Variants in GPHN observed in about 807,000 individuals in gnomAD.
The protein encoded by GPHN is gephyrin.
Under a neutral mutation model 95.5 loss-of-function variants are expected in GPHN, and 17 were observed. The observed-to-expected ratio is 0.18, with a 90% CI of 0.12 to 0.27. GPHN has a LOEUF of 0.27. GPHN is among the 10% of genes least tolerant of loss of function. The pLI is 1.00. For missense variants in GPHN, 660 were observed against 978.1 expected (o/e 0.67, Z 4.34); for synonymous variants, 320 against 322.5 (o/e 0.99, Z 0.08).
At chr14:67,441,315 G>A in the GPHN span, among the ~76,000 whole-genome samples, 1 of 152,160 alleles carries the variant, frequency 6.6e-6, no homozygotes, top group Admixed American at 6.5e-5. Context: ...GAATGAAGAT[G>A]ATTTGTGACA....
At chr14:66,569,909 G>A (rs2060611243) in intron 1 of GPHN, among the ~76,000 whole-genome samples, 1 of 152,022 alleles carries the variant, frequency 6.6e-6, no homozygotes, top group African/African-American at 2.4e-5. Context: ...CCTTTTAGCA[G>A]AAATTTTGTA....
chr14:67,395,491 G>C, the GPHN span: 1 of 1,613,994 alleles, frequency 6.2e-7, no homozygotes, highest in African/African-American at 1.3e-5. Flanking sequence ...GAATAGCCCC[G>C]GTGATCTCAA....
At chr14:67,347,635 G>A in the GPHN span, among the ~76,000 whole-genome samples, 1 of 151,628 alleles carries the variant, frequency 6.6e-6, no homozygotes, top group African/African-American at 2.4e-5. Flanking sequence ...TGAATAGGTG[G>A]GATTACAGGC....
chr14:67,646,594 G>A, the GPHN span: 2 of 1,434,524 alleles, frequency 1.4e-6, no homozygotes, highest in Non-Finnish European at 2.0e-6. Context: ...TAATGATCTT[G>A]GTGAGAACAA....
At chr14:66,635,563 A>G (rs944371559) in intron 1 of GPHN, among the ~76,000 whole-genome samples, 1 of 152,184 alleles carries the variant, frequency 6.6e-6, no homozygotes, top group Non-Finnish European at 1.5e-5. Flanking sequence ...GTGATCCTGC[A>G]TGATTGATAA....
intron 1 of GPHN, among the ~76,000 whole-genome samples, chr14:66,595,617 G>A (rs989048649): frequency 6.6e-6 from 1 of 152,190 alleles, no homozygotes; most frequent in African/African-American, 2.4e-5. Context: ...CACCCTGCAA[G>A]GCTGTGGCTC....
chr14:67,177,746 A>G (rs1347347470), intron 21 of GPHN, among the ~76,000 whole-genome samples: 2 of 152,170 alleles, frequency 1.3e-5, no homozygotes, highest in African/African-American at 2.4e-5. Context: ...AGCTTGCTTT[A>G]TGAATCTGGG....
chr14:67,674,305 A>C, the GPHN span: 2 of 1,379,862 alleles, frequency 1.4e-6, no homozygotes, highest in Non-Finnish European at 1.9e-6. Context: ...TCTGGGAGGA[A>C]GGTGGGAGAA....
intron 9 of GPHN, among the ~76,000 whole-genome samples, chr14:66,968,232 G>A (rs1366950178): frequency 6.6e-6 from 1 of 151,870 alleles, no homozygotes; most frequent in African/African-American, 2.4e-5. Flanking sequence ...AGACAATAAT[G>A]TTATTAACTA....
chr14:66,545,346 A>C (rs1473575961), intron 1 of GPHN, among the ~76,000 whole-genome samples: 6 of 92,500 alleles, frequency 6.5e-5, no homozygotes, highest in African/African-American at 2.4e-4. Context: ...TGACCCCCCC[A>C]CCTCCCTCCC....
At chr14:66,944,372 T>C (rs568022216) in intron 8 of GPHN, among the ~76,000 whole-genome samples, 1 of 152,280 alleles carries the variant, frequency 6.6e-6, no homozygotes, top group African/African-American at 2.4e-5. Flanking sequence ...GAACAAAACA[T>C]TGCCACATGG....
chr14:66,805,985 C>G (rs1435891362), intron 3 of GPHN, among the ~76,000 whole-genome samples: 1 of 152,256 alleles, frequency 6.6e-6, no homozygotes, highest in African/African-American at 2.4e-5. Flanking sequence ...CTCTTCTGCA[C>G]TGCCCTAGCA....
the GPHN span, chr14:67,204,400 C>A: frequency 8.0e-6 from 10 of 1,250,354 alleles, no homozygotes; most frequent in African/African-American, 1.4e-4. Context: ...GATCGCATCA[C>A]CACTGCACTC....
chr14:66,728,185 G>C (rs1169633738), intron 2 of GPHN, among the ~76,000 whole-genome samples: 1 of 152,142 alleles, frequency 6.6e-6, no homozygotes. Flanking sequence ...GGGAACCTCT[G>C]CCTAGATTTC....
chr14:66,778,726 C>CTTTT lies in GPHN; in HGVS notation c.201+2230_201+2233dup, dbSNP rs759940498. Among the ~76,000 whole-genome samples the CTTTT allele has an allele frequency of 3.7e-3, 221 of 59,364 alleles. 26 individuals are homozygous for CTTTT. Among genetic ancestry groups the CTTTT allele is most frequent in the African/African-American group, 0.014 (187 of 13,208 alleles). 38.9% of individuals were successfully genotyped at this position (59,364 alleles called of 152,430 possible). Reference sequence around the variant, plus strand: ...ATTCTATGACTCAAGACTCAAGGGGCTTTTTTTTTTTTTTTTTTTTTTTTT... The same window carrying CTTTT: ...ATTCTATGACTCAAGACTCAAGGGGCTTTTTTTTTTTTTTTTTTTTTTTTTTTTT... On this transcript the variant is annotated intron_variant, in intron 3 of 22. Transcript: ENST00000478722.
intron 5 of GPHN, among the ~76,000 whole-genome samples, chr14:66,889,488 T>C (rs2064361815): frequency 6.6e-6 from 1 of 152,082 alleles, no homozygotes; most frequent in Non-Finnish European, 1.5e-5. Flanking sequence ...TTTACAAATA[T>C]GTGAAAATTA....
At chr14:67,702,805 A>T in the GPHN span, among the ~76,000 whole-genome samples, 1 of 152,074 alleles carries the variant, frequency 6.6e-6, no homozygotes, top group East Asian at 1.9e-4. Flanking sequence ...TAGAGATCTT[A>T]TACCTTTATT....
intron 2 of GPHN, among the ~76,000 whole-genome samples, chr14:66,728,554 TGGA>T: frequency 6.6e-6 from 1 of 152,356 alleles, no homozygotes. Flanking sequence ...ATGTGAGACC[TGGA>T]GTCAAAGGAG....
the GPHN span, among the ~76,000 whole-genome samples, chr14:67,345,482 G>A: frequency 6.6e-6 from 1 of 152,036 alleles, no homozygotes; most frequent in African/African-American, 2.4e-5. Context: ...TTGAACCCAG[G>A]AGGCAGAGGT....
Sources: allele counts gnomAD v4.1 joint callset (sites outside exome capture counted in the v4.1 genomes callset), GRCh38; gene constraint gnomAD v4.1.1; transcripts MANE v1.5; gene names NCBI Gene and HGNC (gene_info 2026-07-23, HGNC 2026-07-21).